DCBLD1: variants seen among roughly 807,000 people sequenced by gnomAD.
DCBLD1 encodes discoidin, CUB and LCCL domain-containing protein 1.
In DCBLD1, 57 loss-of-function variants were observed where a neutral mutation model predicts 71.5. That is an observed-to-expected ratio of 0.80 (90% CI 0.64 to 0.99). The LOEUF is 0.99. DCBLD1 is among the 50% of genes least tolerant of loss of function. DCBLD1 has a pLI of 0.00. For missense variants in DCBLD1, 891 were observed against 923.5 expected (o/e 0.96, Z 0.46); for synonymous variants, 380 against 363.8 (o/e 1.04, Z -0.51).
intron 2 of DCBLD1, among the ~76,000 whole-genome samples, chr6:117,514,581 G>A (rs1321110596): frequency 1.7e-4 from 24 of 141,754 alleles, no homozygotes; most frequent in African/African-American, 6.6e-4. Flanking sequence ...GACAGAGAAA[G>A]ACCCTGTCTC....
At chr6:117,483,534 G>A (rs1399250389) in intron 1 of DCBLD1, among the ~76,000 whole-genome samples, 1 of 152,166 alleles carries the variant, frequency 6.6e-6, no homozygotes, top group Non-Finnish European at 1.5e-5. Context: ...ATTTGAGCCG[G>A]TAGACTCTCA....
chr6:117,513,965 T>C (rs1463414387), intron 2 of DCBLD1, among the ~76,000 whole-genome samples: 2 of 152,172 alleles, frequency 1.3e-5, no homozygotes, highest in African/African-American at 2.4e-5. Context: ...GAGAAAGATT[T>C]TCTTTCATAA....
chr6:117,505,439 C>T (rs1582982268), intron 2 of DCBLD1, among the ~76,000 whole-genome samples: 1 of 151,968 alleles, frequency 6.6e-6, no homozygotes, highest in Non-Finnish European at 1.5e-5. Flanking sequence ...CTTTTCCACA[C>T]GGGTCTCTTG....
chr6:117,547,272 C>T (rs1330066699), intron 14 of DCBLD1, among the ~76,000 whole-genome samples: 1 of 152,210 alleles, frequency 6.6e-6, no homozygotes, highest in Non-Finnish European at 1.5e-5. Flanking sequence ...AATCCTACTC[C>T]ATCGCCCCAT....
rs891017616 is a variant in DCBLD1, at chr6:117,547,906, G to T, written c.1616-1G>T. 3 of 1,550,388 alleles carry T rather than the reference G, an allele frequency of 1.9e-6. No individual in the cohort carries two copies. Among genetic ancestry groups the T allele is most frequent in the African/African-American group, 2.7e-5 (2 of 73,042 alleles). ...AGCTGCCATCTGTCTTGTGGTTTCAGATTACCAGCAGCCCCTCATGATTGG... is the reference window on the plus strand; with the variant it reads ...AGCTGCCATCTGTCTTGTGGTTTCATATTACCAGCAGCCCCTCATGATTGG... On this transcript the variant is annotated splice_acceptor_variant, in intron 14 of 14. Transcript: ENST00000338728. LOFTEE classifies it high-confidence loss of function.
intron 11 of DCBLD1, among the ~76,000 whole-genome samples, chr6:117,541,628 T>C (rs1485690561): frequency 6.6e-6 from 1 of 152,172 alleles, no homozygotes; most frequent in Non-Finnish European, 1.5e-5. Context: ...TTTTTCAGAA[T>C]ATAAAATAAT....
At chr6:117,540,495 A>T (rs1194108447) in intron 9 of DCBLD1, 173 bp from the exon 10 acceptor site, 15 of 671,066 alleles carry the variant, frequency 2.2e-5, no homozygotes, top group Non-Finnish European at 2.2e-5. Context: ...CCTTAGTTAG[A>T]TAAATTGGCC....
chr6:117,553,143 C>G (rs1317892362), downstream of DCBLD1, among the ~76,000 whole-genome samples: 1 of 152,218 alleles, frequency 6.6e-6, no homozygotes, highest in Non-Finnish European at 1.5e-5. Flanking sequence ...GGGCCCATCA[C>G]TCCTCAACGC....
At chr6:117,528,016 T>C (rs565414895) in intron 5 of DCBLD1, among the ~76,000 whole-genome samples, 2 of 152,288 alleles carry the variant, frequency 1.3e-5, no homozygotes, top group South Asian at 2.1e-4. Context: ...AACATATCAC[T>C]TAATTAATTT....
intron 12 of DCBLD1, among the ~76,000 whole-genome samples, chr6:117,543,970 T>C (rs1779182667): frequency 6.6e-6 from 1 of 152,178 alleles, no homozygotes; most frequent in Non-Finnish European, 1.5e-5. Flanking sequence ...AAACAAAAAA[T>C]GGAAAGTATT....
At chr6:117,533,394 T>C (rs1334586046) in intron 6 of DCBLD1, among the ~76,000 whole-genome samples, 1 of 152,230 alleles carries the variant, frequency 6.6e-6, no homozygotes, top group Admixed American at 6.5e-5. Flanking sequence ...CGTATTTTGC[T>C]GTTCCATTTT....
intron 14 of DCBLD1, among the ~76,000 whole-genome samples, chr6:117,555,032 G>T (rs1779479340): frequency 6.6e-6 from 1 of 152,224 alleles, no homozygotes; most frequent in Admixed American, 6.5e-5. Flanking sequence ...AGAATTAGCT[G>T]TTGTTTGAAC....
intron 6 of DCBLD1, 103 bp downstream of exon 6, chr6:117,532,496 AG>A: frequency 7.1e-7 from 1 of 1,402,200 alleles, no homozygotes; most frequent in East Asian, 2.6e-5. Flanking sequence ...TGTGATAGCA[AG>A]GGTTTGTCAA....
chr6:117,528,113 G>A (rs1778601426), intron 5 of DCBLD1, among the ~76,000 whole-genome samples: 1 of 152,188 alleles, frequency 6.6e-6, no homozygotes, highest in Non-Finnish European at 1.5e-5. Flanking sequence ...AGTTTAGGAG[G>A]AGAAGGGGAG....
chr6:117,520,964 A>T (rs1019575032), intron 3 of DCBLD1, among the ~76,000 whole-genome samples: 1 of 152,246 alleles, frequency 6.6e-6, no homozygotes, highest in African/African-American at 2.4e-5. Flanking sequence ...GGTCCACTGT[A>T]TCTTAGCCTC....
intron 3 of DCBLD1, 31 bp from the exon 4 acceptor site, chr6:117,521,494 T>C (rs770824764): frequency 6.5e-7 from 1 of 1,535,090 alleles, no homozygotes. Context: ...TTATTCATTC[T>C]ATTAATTGCA....
At chr6:117,493,201 G>T (rs890069957) in intron 1 of DCBLD1, among the ~76,000 whole-genome samples, 7 of 152,124 alleles carry the variant, frequency 4.6e-5, no homozygotes, top group Admixed American at 3.9e-4. Flanking sequence ...TTGCTACTCA[G>T]AATATATCTT....
intron 12 of DCBLD1, among the ~76,000 whole-genome samples, chr6:117,543,703 G>A (rs1779174023): frequency 6.6e-6 from 1 of 152,106 alleles, no homozygotes; most frequent in East Asian, 1.9e-4. Flanking sequence ...GAGACCTTTG[G>A]TAAAGACTTA....
At position 117,537,625 on chromosome 6, in the gene DCBLD1, T is replaced by G. The variant is rs1006609164; in HGVS notation, c.760+400T>G. Among the ~76,000 whole-genome samples the G allele has an allele frequency of 8.3e-4, 124 of 148,562 alleles. 2 individuals are homozygous for G. The highest frequency in any genetic ancestry group is 1.6e-3 in the Non-Finnish European group (110 of 67,130). On this transcript the variant is annotated intron_variant, in intron 7 of 14. Transcript: ENST00000338728. ...AGATTATGTAGTTTAAAAGGTTGTTTTTTTTTTTTTTCCTTTTTTCTCAGG... is the reference window on the plus strand; with the variant it reads ...AGATTATGTAGTTTAAAAGGTTGTTGTTTTTTTTTTTCCTTTTTTCTCAGG...
Sources: gnomAD v4.1 joint callset for allele counts (sites outside exome capture counted in the v4.1 genomes callset) on GRCh38, gnomAD v4.1.1 for gene constraint, MANE v1.5 for transcripts, NCBI Gene and HGNC (gene_info 2026-07-23, HGNC 2026-07-21) for gene names.